Variants in JAZF1 observed in about 807,000 individuals in gnomAD.
The protein encoded by JAZF1 is JAZF zinc finger 1.
A neutral mutation model predicts 26.4 loss-of-function variants in JAZF1; 8 were observed. That is an observed-to-expected ratio of 0.30 (90% CI 0.18 to 0.55). JAZF1 has a LOEUF of 0.55. Ranked by LOEUF, JAZF1 falls within the 20% of genes least tolerant of loss-of-function variation. The pLI is 0.94. For synonymous variants in JAZF1, 126 were observed against 122.3 expected (o/e 1.03, Z -0.20); for missense variants, 199 against 322.0 (o/e 0.62, Z 2.92).
chr7:27,891,107 AAGG>A (rs1277450147), intron 3 of JAZF1, among the ~76,000 whole-genome samples: 1 of 152,098 alleles, frequency 6.6e-6, no homozygotes. Flanking sequence ...CTACTTTTAA[AAGG>A]AGAAGGGTAT....
At chr7:27,991,855 AGTC>A in intron 2 of JAZF1, 51 bp downstream of exon 2, 1 of 941,308 alleles carries the variant, frequency 1.1e-6, no homozygotes. Flanking sequence ...GTGTTTAAAA[AGTC>A]AATAAGCAGC....
At chr7:28,154,325 G>T (rs1431160613) in intron 1 of JAZF1, among the ~76,000 whole-genome samples, 2 of 152,194 alleles carry the variant, frequency 1.3e-5, no homozygotes, top group African/African-American at 2.4e-5. Flanking sequence ...GCATGGCAGA[G>T]GGCCACTGTC....
chr7:28,087,933 G>A (rs1784235022), intron 1 of JAZF1, among the ~76,000 whole-genome samples: 1 of 151,904 alleles, frequency 6.6e-6, no homozygotes, highest in Non-Finnish European at 1.5e-5. Flanking sequence ...TTCCTAGTGG[G>A]AATACAGGAG....
intron 1 of JAZF1, among the ~76,000 whole-genome samples, chr7:28,133,188 T>C (rs1425404638): frequency 1.6e-4 from 24 of 152,228 alleles, no homozygotes; most frequent in Non-Finnish European, 4.4e-5. Flanking sequence ...ACTTGATAAG[T>C]GGACCAGACC....
chr7:28,032,564 C>T (rs1783210229), intron 1 of JAZF1, among the ~76,000 whole-genome samples: 1 of 152,144 alleles, frequency 6.6e-6, no homozygotes, highest in South Asian at 2.1e-4. Context: ...CCCACTCCCT[C>T]ATTTGCTAGA....
chr7:27,930,637 AC>A (rs1475973658), intron 2 of JAZF1, among the ~76,000 whole-genome samples: 1 of 152,208 alleles, frequency 6.6e-6, no homozygotes, highest in African/African-American at 2.4e-5. Context: ...GAAAGACTAA[AC>A]TTTTCTTCAT....
At chr7:28,126,744 G>A (rs1703383163) in intron 1 of JAZF1, among the ~76,000 whole-genome samples, 1 of 152,182 alleles carries the variant, frequency 6.6e-6, no homozygotes, top group African/African-American at 2.4e-5. Context: ...AGGGTACAGT[G>A]CAGGAGCAAA....
chr7:28,007,562 C>A (rs924099933), intron 1 of JAZF1, among the ~76,000 whole-genome samples: 1 of 151,406 alleles, frequency 6.6e-6, no homozygotes, highest in Non-Finnish European at 1.5e-5. Flanking sequence ...GAGTGAGACT[C>A]CATCTCAAAA....
chr7:27,929,961 CCCCTCT>C (rs1562532118), intron 2 of JAZF1, among the ~76,000 whole-genome samples: 9 of 112,988 alleles, frequency 8.0e-5, no homozygotes, highest in African/African-American at 2.8e-4. Flanking sequence ...TCTCTCTCTC[CCCCTCT>C]CTCCCTCCCT....
chr7:27,954,286 G>A (rs1464516450), intron 2 of JAZF1, among the ~76,000 whole-genome samples: 1 of 152,190 alleles, frequency 6.6e-6, no homozygotes, highest in Non-Finnish European at 1.5e-5. Context: ...TGCCCAGCCT[G>A]ACTGGGGCTG....
intron 1 of JAZF1, among the ~76,000 whole-genome samples, chr7:28,146,639 G>A (rs1783032918): frequency 6.6e-6 from 1 of 152,244 alleles, no homozygotes; most frequent in Middle Eastern, 3.4e-3. Context: ...CCTCAGGGAT[G>A]GCAGACAATT....
At chr7:28,142,221 A>G (rs1306486287) in intron 1 of JAZF1, among the ~76,000 whole-genome samples, 2 of 152,182 alleles carry the variant, frequency 1.3e-5, no homozygotes, top group Non-Finnish European at 2.9e-5. Context: ...GCTCAGTGAA[A>G]TTCCTGGACC....
At chr7:27,874,434 T>C (rs1311718394) in intron 3 of JAZF1, among the ~76,000 whole-genome samples, 3 of 152,182 alleles carry the variant, frequency 2.0e-5, no homozygotes, top group Non-Finnish European at 2.9e-5. Context: ...GGAGCTGTCA[T>C]GTTATTCCTG....
chr7:27,905,183 C>G (rs1469499782), intron 2 of JAZF1, among the ~76,000 whole-genome samples: 1 of 152,162 alleles, frequency 6.6e-6, no homozygotes, highest in Non-Finnish European at 1.5e-5. Context: ...AGGCTTGTCT[C>G]TATCTCCTGG....
At chr7:28,117,429 G>A (rs1784764280) in intron 1 of JAZF1, among the ~76,000 whole-genome samples, 1 of 152,098 alleles carries the variant, frequency 6.6e-6, no homozygotes, top group African/African-American at 2.4e-5. Context: ...GACATTTGCT[G>A]AATTGCCTTT....
chr7:28,177,937 A>AG (rs1376713714), intron 1 of JAZF1, among the ~76,000 whole-genome samples: 4 of 152,190 alleles, frequency 2.6e-5, no homozygotes, highest in Non-Finnish European at 5.9e-5. Flanking sequence ...TTGATAGTAA[A>AG]GGGCCTCTCC....
At chr7:28,082,210 C>CA (rs1339842524) in intron 1 of JAZF1, among the ~76,000 whole-genome samples, 2 of 152,116 alleles carry the variant, frequency 1.3e-5, no homozygotes, top group African/African-American at 2.4e-5. Flanking sequence ...TCAGACAAAT[C>CA]ATGCCAAAGC....
chr7:28,074,533 C>G (rs552859329), intron 1 of JAZF1, among the ~76,000 whole-genome samples: 1 of 152,096 alleles, frequency 6.6e-6, no homozygotes, highest in South Asian at 2.1e-4. Context: ...ATACAGAGTC[C>G]TAGTTTTTGT....
At chr7:28,170,337 ATGTGTGTGTGTGTGTGTGTGTG>A (rs61200785) in intron 1 of JAZF1, among the ~76,000 whole-genome samples, 9,812 of 98,528 alleles carry the variant, frequency 0.1, 398 homozygotes, top group African/African-American at 0.16. Context: ...AGAAGTTGAT[ATGTGTGTGTGTGTGTGTGTGTG>A]TGTGTGTGTG....
Sources: gnomAD v4.1 joint callset for allele counts (sites outside exome capture counted in the v4.1 genomes callset) on GRCh38, gnomAD v4.1.1 for gene constraint, MANE v1.5 for transcripts, NCBI Gene and HGNC (gene_info 2026-07-23, HGNC 2026-07-21) for gene names.